The following ANKS1A variants were observed in gnomAD, a reference collection of about 807,000 sequenced individuals.
The protein encoded by ANKS1A is ankyrin repeat and SAM domain-containing protein 1A.
In ANKS1A, 55 loss-of-function variants were observed where a neutral mutation model predicts 120.3. The ratio of observed to expected loss-of-function variants is 0.46; its 90% CI spans 0.37 to 0.57. The LOEUF (loss-of-function observed/expected upper bound fraction) is 0.57. Among genes scored for constraint, ANKS1A ranks in the 20% least tolerant of loss-of-function variants. The probability of loss-of-function intolerance (pLI) is 0.00; values close to 1 mark genes in which losing one functional copy is unlikely to be tolerated. For missense variants in ANKS1A, 1,123 were observed against 1,480.3 expected (o/e 0.76, Z 3.96); for synonymous variants, 590 against 604.7 (o/e 0.98, Z 0.36).
chr6:35,052,485 A>C (rs1776016888), intron 11 of ANKS1A, among the ~76,000 whole-genome samples: 1 of 151,540 alleles, frequency 6.6e-6, no homozygotes, highest in Non-Finnish European at 1.5e-5. Flanking sequence ...ATAGCAAGGC[A>C]TGGTGGCACC....
intron 14 of ANKS1A, among the ~76,000 whole-genome samples, 190 bp downstream of exon 14, chr6:35,078,846 G>A (rs975145882): frequency 1.4e-4 from 21 of 152,330 alleles, no homozygotes; most frequent in African/African-American, 4.1e-4. Flanking sequence ...TATGCCCTAA[G>A]GCCCTTGGAG....
rs984825060 is a variant in ANKS1A, at chr6:35,090,845, C to T, written c.*2236C>T. 1.0e-6 allele frequency: 1 copy of T among 985,638 alleles called. No individual in the cohort carries two copies. Among genetic ancestry groups the T allele is most frequent in the Admixed American group, 6.1e-5 (1 of 16,274 alleles). The allele number at this position is 985,638 out of a possible 1,614,324, so 61.1% of individuals were successfully genotyped here. On this transcript the variant is annotated 3_prime_UTR_variant, in exon 24 of 24. Transcript: ENST00000360359. Reference sequence around the variant, plus strand: ...ATGGGCTCAGTACCTGTCCCAGCCACAGGCTTCTTGTCCACCTCTTCTCCC... The same window carrying T: ...ATGGGCTCAGTACCTGTCCCAGCCATAGGCTTCTTGTCCACCTCTTCTCCC...
chr6:35,047,975 G>A (rs917387952), intron 11 of ANKS1A, among the ~76,000 whole-genome samples: 4 of 152,182 alleles, frequency 2.6e-5, no homozygotes, highest in Admixed American at 6.5e-5. Flanking sequence ...TGGTAGTTGC[G>A]GGGTGTGAGG....
At chr6:35,067,886 A>ATTTTTT (rs750257307) in intron 13 of ANKS1A, among the ~76,000 whole-genome samples, 2 of 106,886 alleles carry the variant, frequency 1.9e-5, no homozygotes. Context: ...TTCATTTTCA[A>ATTTTTT]TTTTTTTTTT....
intron 12 of ANKS1A, among the ~76,000 whole-genome samples, chr6:35,059,221 C>T (rs1489440682): frequency 2.0e-5 from 3 of 152,240 alleles, no homozygotes; most frequent in African/African-American, 7.2e-5. Context: ...GGCAACACTT[C>T]AGACGGCGTG....
chr6:34,945,986 T>A (rs1457754961), intron 1 of ANKS1A, among the ~76,000 whole-genome samples: 3 of 123,468 alleles, frequency 2.4e-5, no homozygotes. Flanking sequence ...TTTATTTATT[T>A]TTTTTTTTTT....
intron 10 of ANKS1A, among the ~76,000 whole-genome samples, chr6:35,006,801 A>G (rs1260604000): frequency 6.6e-6 from 1 of 152,132 alleles, no homozygotes; most frequent in African/African-American, 2.4e-5. Context: ...GTACCCTACT[A>G]TGTACCCACA....
chr6:34,912,865 G>A (rs541745162), intron 1 of ANKS1A, among the ~76,000 whole-genome samples: 197 of 152,290 alleles, frequency 1.3e-3, no homozygotes, highest in Non-Finnish European at 1.3e-3. Context: ...TGTGTTTGGT[G>A]GTTAGATGCA....
rs1449535172 is a variant in ANKS1A at position 35,089,058 on chromosome 6, T to C, written c.*449T>C. Reference sequence around the variant, plus strand: ...AGGACGGAACTTGGGTGCAGCTCAGTGGGTCGGAAGAGAAGGCGGTGGCCT... The same window carrying C: ...AGGACGGAACTTGGGTGCAGCTCAGCGGGTCGGAAGAGAAGGCGGTGGCCT... On this transcript the variant is annotated 3_prime_UTR_variant, in exon 24 of 24. Transcript: ENST00000360359. The C allele has an allele frequency of 9.4e-7, 1 of 1,063,462 alleles. No homozygotes were observed. The highest frequency in any genetic ancestry group is 1.1e-6 in the Non-Finnish European group (1 of 875,836). The allele number at this position is 1,063,462 out of a possible 1,614,324, so 65.9% of individuals were successfully genotyped here.
At chr6:34,994,555 G>A (rs1400403845) in intron 10 of ANKS1A, 133 bp downstream of exon 10, 3 of 1,342,458 alleles carry the variant, frequency 2.2e-6, no homozygotes, top group Non-Finnish European at 3.0e-6. Flanking sequence ...CGATGATCTG[G>A]GATGGTGGGT....
intron 18 of ANKS1A, 31 bp from the exon 19 acceptor site, chr6:35,083,124 T>A (rs766132660): frequency 9.2e-5 from 149 of 1,612,054 alleles, no homozygotes; most frequent in Non-Finnish European, 1.2e-4. Flanking sequence ...ACGCAGGATT[T>A]CCTAAGCCTG....
rs869190207 is a variant in ANKS1A at position 34,996,476 on chromosome 6, C to CT, written c.1423+2069dup. On this transcript the variant is annotated intron_variant, in intron 10 of 23. Coordinates refer to ENST00000360359, the MANE Select transcript of ANKS1A (RefSeq NM_015245.3). ...TTAAAAAATGGATAAGGTCACCAAT[C>CT]TTTTTTTTTTTTTTTAAGACGGAGT... Among the ~76,000 whole-genome samples the CT allele has an allele frequency of 6.3e-3, 896 of 141,316 alleles. 3 individuals are homozygous for CT. Among genetic ancestry groups the CT allele is most frequent in the Middle Eastern group, 0.019 (5 of 266 alleles). The allele number at this position is 141,316 out of a possible 152,430, so 92.7% of individuals were successfully genotyped here. A position where few individuals can be genotyped will look rare whatever the true frequency, so the allele number is the denominator to read the frequency against.
chr6:34,918,611 G>T (rs773104905), intron 1 of ANKS1A, among the ~76,000 whole-genome samples: 1 of 152,108 alleles, frequency 6.6e-6, no homozygotes, highest in Non-Finnish European at 1.5e-5. Flanking sequence ...TCTCAGGATC[G>T]GTTCCATCAG....
chr6:34,891,680 T>G (rs1581651890), intron 1 of ANKS1A, among the ~76,000 whole-genome samples: 1 of 151,908 alleles, frequency 6.6e-6, no homozygotes, highest in South Asian at 2.1e-4. Flanking sequence ...CAGTCTGGAG[T>G]GCAGTGGCAG....
chr6:35,086,145 G>C lies in ANKS1A; in HGVS notation c.3303+209G>C. The C allele has an allele frequency of 1.7e-6, 2 of 1,191,872 alleles. No homozygotes were observed. The highest frequency in any genetic ancestry group is 5.4e-5 in the East Asian group (2 of 36,882). The allele number at this position is 1,191,872 out of a possible 1,614,324, so 73.8% of individuals were successfully genotyped here. A position where few individuals can be genotyped will look rare whatever the true frequency, so the allele number is the denominator to read the frequency against. ...GCCTGGGCGGGCCTCTCATGCTCCT[G>C]TTTCCCTCCCTCGCTGGGCTCCCCC... On this transcript the variant is annotated intron_variant, in intron 22 of 23. Coordinates refer to ENST00000360359, the MANE Select transcript of ANKS1A (RefSeq NM_015245.3). The surrounding 1 kb of genome is among the most constrained non-coding windows in gnomAD (Gnocchi z 5.1).
rs1483919590 is a variant in ANKS1A at position 35,056,240 on chromosome 6, G to A, written c.2077+2075G>A. Reference sequence around the variant, plus strand: ...TGCTGAGCTCTTCCCGTGACATCTGGTCTCCTGTCTGATCCCACCTACTAG... The same window carrying A: ...TGCTGAGCTCTTCCCGTGACATCTGATCTCCTGTCTGATCCCACCTACTAG... On this transcript the variant is annotated intron_variant, in intron 12 of 23. Coordinates refer to ENST00000360359, the MANE Select transcript of ANKS1A (RefSeq NM_015245.3). Among the ~76,000 whole-genome samples the A allele has an allele frequency of 3.9e-5, 6 of 152,298 alleles. No homozygotes were observed. In the East Asian group the frequency reaches 9.6e-4, roughly 24 times the overall value.
At chr6:35,053,621 C>T (rs940928474) in intron 11 of ANKS1A, among the ~76,000 whole-genome samples, 1 of 152,216 alleles carries the variant, frequency 6.6e-6, no homozygotes, top group Non-Finnish European at 1.5e-5. Context: ...CATACAGTAT[C>T]AGTTATCTGT....
At chr6:35,043,193 A>G (rs1775552506) in intron 11 of ANKS1A, among the ~76,000 whole-genome samples, 1 of 152,228 alleles carries the variant, frequency 6.6e-6, no homozygotes, top group African/African-American at 2.4e-5. Context: ...ACCCCTTGCC[A>G]CATGCAGATG....
chr6:34,923,958 A>G (rs976123672), intron 1 of ANKS1A, among the ~76,000 whole-genome samples: 5 of 152,170 alleles, frequency 3.3e-5, no homozygotes, highest in African/African-American at 1.2e-4. Context: ...TTACAGAGGC[A>G]GGGGCTCCAG....
Sources: allele counts gnomAD v4.1 joint callset (sites outside exome capture counted in the v4.1 genomes callset), GRCh38; gene constraint gnomAD v4.1.1; non-coding constraint Gnocchi (gnomAD v3.1); transcripts MANE v1.5; gene names NCBI Gene and HGNC (gene_info 2026-07-23, HGNC 2026-07-21).